FAAP100: variants seen among roughly 807,000 people sequenced by gnomAD.
FAAP100 encodes Fanconi anemia core complex-associated protein 100.
FAAP100 carries 46 observed loss-of-function variants against 65.8 expected under a neutral mutation model. The observed-to-expected ratio is 0.70, with a 90% CI of 0.55 to 0.89. The LOEUF is 0.89. Ranked by LOEUF, FAAP100 falls within the 40% of genes least tolerant of loss-of-function variation. The pLI is 0.00. For synonymous variants in FAAP100, 663 were observed against 555.1 expected, an observed-to-expected ratio of 1.19 and a Z score of -2.73; for missense variants, 1,165 against 1,196.7, an observed-to-expected ratio of 0.97 and a Z score of 0.39.
In FAAP100 at chr17:81,540,145, G is replaced by A. The variant is rs376004163; in HGVS notation, c.*674C>T. On this transcript the variant is annotated 3_prime_UTR_variant, in exon 9 of 9. Transcript: ENST00000327787. ...CACAGTGCTGGGTACTGCCCCGGCT[G>A]GAGGCACCTAGTTGTTGAGCATTCC... The A allele has an allele frequency of 4.3e-5, 17 of 398,632 alleles. No homozygotes were observed. The highest frequency in any genetic ancestry group is 3.8e-4 in the South Asian group (3 of 7,858). The allele number at this position is 398,632 out of a possible 1,614,324, so 24.7% of individuals were successfully genotyped here.
chr17:81,542,115 C>T (rs1370454686), intron 7 of FAAP100, among the ~76,000 whole-genome samples: 3 of 127,652 alleles, frequency 2.4e-5, no homozygotes, highest in African/African-American at 6.1e-5. Flanking sequence ...TGCAGTGAGC[C>T]GAGATCCCGC....
intron 7 of FAAP100, among the ~76,000 whole-genome samples, chr17:81,542,792 T>C (rs545100902): frequency 6.6e-6 from 1 of 152,348 alleles, no homozygotes; most frequent in South Asian, 2.1e-4. Context: ...CACGACTGTG[T>C]CCTTGTAAGA....
Position 81,541,510 on chromosome 17 carries a change from AC to A in FAAP100, c.2428-116del, listed in dbSNP as rs1407993961. ...GCCTGGTGCTGCCTCCCTGCCTGGC[AC>A]CCCTCCCCACCCCAGCGCTTTGCTG... On this transcript the variant is annotated intron_variant, in intron 7 of 8. Coordinates refer to ENST00000327787, the MANE Select transcript of FAAP100 (RefSeq NM_025161.6). The A allele has an allele frequency of 4.8e-6, 4 of 836,782 alleles. No individual in the cohort carries two copies. The African/African-American group carries it at 6.6e-5, about 14-fold the overall frequency. The allele number at this position is 836,782 out of a possible 1,614,324, so 51.8% of individuals were successfully genotyped here. A position where few individuals can be genotyped will look rare whatever the true frequency, so the allele number is the denominator to read the frequency against.
chr17:81,541,487 C>G, intron 7 of FAAP100, 92 bp from the exon 8 acceptor site: 1 of 1,109,242 alleles, frequency 9.0e-7, no homozygotes, highest in East Asian at 2.4e-5. Context: ...CTCGAGCTGC[C>G]TGGTGCTGCC....
At chr17:81,546,474 C>G (rs534809405) in intron 5 of FAAP100, 6 of 163,462 alleles carry the variant, frequency 3.7e-5, no homozygotes, top group African/African-American at 1.4e-4. Flanking sequence ...GTGAAGCTCA[C>G]AGTTTGCTCC....
rs768695125 is a variant in FAAP100 at position 81,551,407 on chromosome 17, G to A, written c.291-204C>T. On this transcript the variant is annotated intron_variant, in intron 2 of 8. Transcript: ENST00000327787. ...GAAGTACCAGGCATCCAAAACCAGCGTGAACCGACACCTGTCAGCATAGAA... is the reference window on the plus strand; with the variant it reads ...GAAGTACCAGGCATCCAAAACCAGCATGAACCGACACCTGTCAGCATAGAA... Among the ~76,000 whole-genome samples the A allele has an allele frequency of 3.3e-5, 5 of 152,262 alleles. No homozygotes were observed. In the East Asian group the frequency reaches 5.8e-4, roughly 18 times the overall value.
chr17:81,545,611 C>A, intron 6 of FAAP100, 135 bp downstream of exon 6: 1 of 1,248,038 alleles, frequency 8.0e-7, no homozygotes, highest in South Asian at 1.6e-5. Context: ...ACTGTCATAT[C>A]AGAGTCCTCC....
chr17:81,545,518 C>G (rs2033267586), intron 6 of FAAP100, among the ~76,000 whole-genome samples: 3 of 152,224 alleles, frequency 2.0e-5, no homozygotes, highest in Admixed American at 2.0e-4. Flanking sequence ...CCATGGCAGA[C>G]AGGGATGGAC....
At chr17:81,545,595 G>T in intron 6 of FAAP100, 151 bp downstream of exon 6, 1 of 1,134,226 alleles carries the variant, frequency 8.8e-7, no homozygotes, top group Non-Finnish European at 1.2e-6. Context: ...CTTGGTGCGA[G>T]GGGAAACTGT....
At chr17:81,548,266 A>T (rs573442483) in intron 4 of FAAP100, 1 of 507,172 alleles carries the variant, frequency 2.0e-6, no homozygotes, top group South Asian at 3.0e-5. Context: ...CGGGAGGAAA[A>T]GCACACTGGA....
At chr17:81,542,567 G>A (rs937302485) in intron 7 of FAAP100, among the ~76,000 whole-genome samples, 7 of 152,118 alleles carry the variant, frequency 4.6e-5, no homozygotes, top group African/African-American at 1.7e-4. Context: ...CTGTTCCTGG[G>A]GCGGGCACCT....
chr17:81,549,196 A>G lies in FAAP100; in HGVS notation c.1403+10T>C. ...GCCAGCCTCTACCCGGTCCGAGCTG[A>G]GCTGCTCACCTCTCAGAGATGTTGC... On this transcript the variant is annotated intron_variant, in intron 4 of 8. Coordinates refer to ENST00000327787, the MANE Select transcript of FAAP100 (RefSeq NM_025161.6). 6.2e-7 allele frequency: 1 copy of G among 1,611,504 alleles called. No individual in the cohort carries two copies. The highest frequency in any genetic ancestry group is 8.5e-7 in the Non-Finnish European group (1 of 1,179,864).
chr17:81,550,878 T>C lies in FAAP100; in HGVS notation c.616A>G (p.Arg206Gly), dbSNP rs1461724502. 6.2e-7 allele frequency: 1 copy of C among 1,612,284 alleles called. No homozygotes were observed. The highest frequency in any genetic ancestry group is 1.7e-5 in the Admixed American group (1 of 59,926). Residue 206 changes from arginine to glycine, a missense_variant, in exon 3 of 9, where the codon AGG becomes GGG. By Grantham distance (125) the Arg-to-Gly change is moderately radical. Transcript: ENST00000327787. ...VLCSVSPSGS[R>G]VPHDLLGGSG... ...CCCCCGAGGAGGTCGTGCGGGACCC[T>C]GGAGCCTGATGGTGACACAGAGCAC...
intron 4 of FAAP100, 30 bp from the exon 5 acceptor site, chr17:81,547,708 CG>C: frequency 1.9e-6 from 3 of 1,601,814 alleles, no homozygotes. Context: ...CCCCCGGGAG[CG>C]GGGGGACACC....
rs1413839462 is a variant in FAAP100, at chr17:81,551,968, C to T, written c.250G>A (p.Gly84Ser). Residue 84 changes from glycine to serine, a missense_variant, in exon 2 of 9, where the codon GGC becomes AGC. Gly to Ser is a moderately conservative substitution (Grantham distance 56). Coordinates refer to ENST00000327787, the MANE Select transcript of FAAP100 (RefSeq NM_025161.6). ...TGGTCCAGCGACAGGCAGTAGAGGC[C>T]CCTCCGGGCGCACAGCGCGTACAGC... is the stretch of plus-strand genomic sequence containing the variant. ...RLLYALCARR[G>S]LYCLSLDHPG... is the part of the protein sequence containing the mutation. 6.4e-7 allele frequency: 1 copy of T among 1,564,890 alleles called. No individual in the cohort carries two copies. Among genetic ancestry groups the T allele is most frequent in the African/African-American group, 1.4e-5 (1 of 72,260 alleles).
At position 81,551,062 on chromosome 17, in the gene FAAP100, C is replaced by T. The variant is rs1199653692; in HGVS notation, c.432G>A (p.Val144=). 1 of 1,594,608 alleles carries T rather than the reference C, an allele frequency of 6.3e-7. No individual in the cohort carries two copies. The change falls in exon 3 of 9, where the codon GTG becomes GTA. Residue 144 remains valine (V), a synonymous_variant. Transcript: ENST00000327787. ...TLLDSVLVTL[V]QGPARWKMQL... is the part of the protein sequence containing the mutation. ...GCATCTTCCATCGGGCAGGGCCCTG[C>T]ACCAGGGTGACCAGCACACTGTCCA...
At chr17:81,542,641 G>T (rs897636795) in intron 7 of FAAP100, among the ~76,000 whole-genome samples, 1 of 152,228 alleles carries the variant, frequency 6.6e-6, no homozygotes, top group African/African-American at 2.4e-5. Flanking sequence ...GGCAGCAGCA[G>T]TGCATGGGCT....
chr17:81,552,554 C>T (rs2033539371), upstream of FAAP100, among the ~76,000 whole-genome samples: 1 of 152,178 alleles, frequency 6.6e-6, no homozygotes, highest in Non-Finnish European at 1.5e-5. Flanking sequence ...CGGCACCGTG[C>T]CGCAGGTCGA....
At chr17:81,544,405 C>G (rs1327030456) in intron 6 of FAAP100, among the ~76,000 whole-genome samples, 1 of 152,220 alleles carries the variant, frequency 6.6e-6, no homozygotes, top group Non-Finnish European at 1.5e-5. Context: ...CGCAGGGCCT[C>G]GAGCCAGACT....
Sources: allele counts gnomAD v4.1 joint callset (sites outside exome capture counted in the v4.1 genomes callset), GRCh38; gene constraint gnomAD v4.1.1; transcripts MANE v1.5; gene names NCBI Gene and HGNC (gene_info 2026-07-23, HGNC 2026-07-21).